Variants in DEFB119 observed in about 807,000 individuals in gnomAD.
DEFB119 encodes beta-defensin 119.
In DEFB119, 3 loss-of-function variants were observed where a neutral mutation model predicts 2.5. The observed-to-expected ratio is 1.19, with a 90% CI of 0.54 to 3.07. DEFB119 has a LOEUF of 3.07. Among genes scored for constraint, DEFB119 ranks in the 30% most tolerant of loss-of-function variants. The pLI, the probability that DEFB119 is intolerant of heterozygous loss-of-function variation, is 0.03. For synonymous variants in DEFB119, 29 were observed against 33.7 expected (o/e 0.86, Z 0.48); for missense variants, 113 against 101.1 (o/e 1.12, Z -0.50).
chr20:31,388,164 C>T, intron 1 of DEFB119: 8 of 984,644 alleles, frequency 8.1e-6, no homozygotes, highest in Non-Finnish European at 9.6e-6. Flanking sequence ...TAAATGTTCC[C>T]CATGAGTGAG....
intron 1 of DEFB119, among the ~76,000 whole-genome samples, chr20:31,378,742 C>T (rs1255181944): frequency 6.6e-6 from 1 of 151,956 alleles, no homozygotes; most frequent in Non-Finnish European, 1.5e-5. Context: ...ACAACTTCTC[C>T]CCAAAAGGAA....
chr20:31,378,658 G>T (rs1007145886), intron 1 of DEFB119, among the ~76,000 whole-genome samples: 2 of 152,054 alleles, frequency 1.3e-5, no homozygotes, highest in Non-Finnish European at 2.9e-5. Context: ...GTCTGCTGAG[G>T]GCCATTTTGG....
chr20:31,386,869 A>T (rs1167976679), intron 1 of DEFB119, among the ~76,000 whole-genome samples: 2 of 127,832 alleles, frequency 1.6e-5, no homozygotes, highest in African/African-American at 6.3e-5. Flanking sequence ...GCTGGAGTGC[A>T]GTGGCGGGAT....
At chr20:31,383,793 A>T (rs1169823406) in intron 1 of DEFB119, among the ~76,000 whole-genome samples, 1 of 151,986 alleles carries the variant, frequency 6.6e-6, no homozygotes, top group African/African-American at 2.4e-5. Context: ...CAGTGAGCCG[A>T]GATCCCACCA....
chr20:31,379,542 G>T (rs2122288536), intron 1 of DEFB119, among the ~76,000 whole-genome samples: 1 of 151,622 alleles, frequency 6.6e-6, no homozygotes, highest in Non-Finnish European at 1.5e-5. Flanking sequence ...TCGCCAGGCT[G>T]CAGTGCAGTG....
intron 1 of DEFB119, among the ~76,000 whole-genome samples, chr20:31,381,477 G>T (rs775989283): frequency 1.3e-5 from 2 of 152,144 alleles, no homozygotes; most frequent in Non-Finnish European, 2.9e-5. Context: ...GAACTAAAAG[G>T]AACGAATTAT....
intron 1 of DEFB119, among the ~76,000 whole-genome samples, chr20:31,385,996 C>A (rs891115317): frequency 6.6e-6 from 1 of 151,958 alleles, no homozygotes; most frequent in African/African-American, 2.4e-5. Context: ...TGTTGGGGAC[C>A]AGCTGGAGGG....
intron 1 of DEFB119, chr20:31,388,998 C>A (rs758419565): frequency 8.1e-6 from 13 of 1,612,120 alleles, no homozygotes; most frequent in South Asian, 3.3e-5. Flanking sequence ...AAATGTGGAC[C>A]CTAAGCAACC....
intron 1 of DEFB119, chr20:31,378,312 A>G (rs1296079819): frequency 1.9e-6 from 3 of 1,614,072 alleles, no homozygotes; most frequent in Non-Finnish European, 1.7e-6. Context: ...CATCCCAACC[A>G]AGGCAGTACC....
At chr20:31,389,675 A>G (rs1232356930) in intron 1 of DEFB119, among the ~76,000 whole-genome samples, 2 of 152,100 alleles carry the variant, frequency 1.3e-5, no homozygotes, top group African/African-American at 2.4e-5. Context: ...AACAAGCCTC[A>G]GCTCCAGCCG....
chr20:31,387,262 T>C (rs561827238), intron 1 of DEFB119, among the ~76,000 whole-genome samples: 7 of 152,190 alleles, frequency 4.6e-5, no homozygotes, highest in Non-Finnish European at 8.8e-5. Flanking sequence ...ACCATAAATA[T>C]GTGCAATTAT....
intron 1 of DEFB119, 48 bp downstream of exon 1, chr20:31,390,375 G>A: frequency 4.5e-6 from 7 of 1,556,730 alleles, no homozygotes; most frequent in Non-Finnish European, 6.2e-6. Context: ...GGGAAAGACG[G>A]GAAGCCCATG....
At chr20:31,378,530 A>T in intron 1 of DEFB119, 1 of 1,363,712 alleles carries the variant, frequency 7.3e-7, no homozygotes, top group Non-Finnish European at 9.9e-7. Flanking sequence ...ACTTTAATGA[A>T]AAAAAAGACA....
At chr20:31,382,361 C>G (rs1986533175) in intron 1 of DEFB119, among the ~76,000 whole-genome samples, 2 of 152,098 alleles carry the variant, frequency 1.3e-5, no homozygotes, top group Admixed American at 6.5e-5. Flanking sequence ...GCTGTGTATC[C>G]TGGGGCAAGT....
At chr20:31,377,713 G>A (rs1326600383) in intron 1 of DEFB119, among the ~76,000 whole-genome samples, 1 of 152,054 alleles carries the variant, frequency 6.6e-6, no homozygotes, top group Non-Finnish European at 1.5e-5. Context: ...GGGACCTCAG[G>A]ACCTAAGGAA....
intron 1 of DEFB119, among the ~76,000 whole-genome samples, chr20:31,386,834 G>A (rs1164182905): frequency 1.6e-5 from 1 of 64,056 alleles, no homozygotes. Flanking sequence ...TTTTTTTTGA[G>A]ACGGAGTCTC....
At chr20:31,388,051 G>A (rs776814208) in intron 1 of DEFB119, 4 of 985,228 alleles carry the variant, frequency 4.1e-6, no homozygotes, top group Non-Finnish European at 4.8e-6. Context: ...CGCAGTTCAG[G>A]GTGAAAAACT....
At chr20:31,384,833 G>A (rs1986633039) in intron 1 of DEFB119, among the ~76,000 whole-genome samples, 1 of 152,088 alleles carries the variant, frequency 6.6e-6, no homozygotes, top group Non-Finnish European at 1.5e-5. Flanking sequence ...TCATGTGAGT[G>A]GTAAGAACAG....
chr20:31,377,550 G>T, intron 1 of DEFB119, 111 bp from the exon 2 acceptor site: 2 of 1,137,076 alleles, frequency 1.8e-6, no homozygotes, highest in Non-Finnish European at 1.2e-6. Flanking sequence ...AAAACCTAAA[G>T]GACAATAGTG....
Sources: allele counts gnomAD v4.1 joint callset (sites outside exome capture counted in the v4.1 genomes callset), GRCh38; gene constraint gnomAD v4.1.1; transcripts MANE v1.5; gene names NCBI Gene and HGNC (gene_info 2026-07-23, HGNC 2026-07-21).